CRYBG1: variants seen among roughly 807,000 people sequenced by gnomAD.
The protein encoded by CRYBG1 is crystallin beta-gamma domain containing 1.
Under a neutral mutation model 189.2 loss-of-function variants are expected in CRYBG1, and 139 were observed. The ratio of observed to expected loss-of-function variants is 0.73; its 90% CI spans 0.64 to 0.85. The LOEUF (loss-of-function observed/expected upper bound fraction) is 0.85. Ranked by LOEUF, CRYBG1 falls within the 40% of genes least tolerant of loss-of-function variation. The pLI is 0.00. For synonymous variants in CRYBG1, 1,023 were observed against 1,017.1 expected (o/e 1.01, Z -0.11); for missense variants, 2,611 against 2,675.8 (o/e 0.98, Z 0.53).
At chr6:106,545,010 C>G in intron 13 of CRYBG1, 77 bp downstream of exon 13, 2 of 1,189,240 alleles carry the variant, frequency 1.7e-6, no homozygotes, top group African/African-American at 3.0e-5. Context: ...GAGTCTATCA[C>G]AGAGTAGGCA....
intron 2 of CRYBG1, among the ~76,000 whole-genome samples, chr6:106,483,391 G>GTATATATATATATATATATAT (rs1772513172): frequency 9.9e-6 from 1 of 101,070 alleles, no homozygotes; most frequent in Non-Finnish European, 2.3e-5. Flanking sequence ...TATATATATA[G>GTATATATATATATATATATAT]ATATATATAT....
At chr6:106,426,348 A>G (rs1771225442) in intron 1 of CRYBG1, among the ~76,000 whole-genome samples, 2 of 152,148 alleles carry the variant, frequency 1.3e-5, no homozygotes, top group African/African-American at 4.8e-5. Flanking sequence ...AACATCATAT[A>G]TCTTAAACAC....
At chr6:106,516,076 C>T (rs1773412078) in intron 3 of CRYBG1, among the ~76,000 whole-genome samples, 1 of 151,906 alleles carries the variant, frequency 6.6e-6, no homozygotes, top group African/African-American at 2.4e-5. Context: ...CAGGCATCAG[C>T]CACTGATCCC....
chr6:106,499,648 C>T (rs1772957879), intron 2 of CRYBG1, among the ~76,000 whole-genome samples: 1 of 151,812 alleles, frequency 6.6e-6, no homozygotes, highest in Admixed American at 6.6e-5. Flanking sequence ...TTAACATATC[C>T]ATCACCTCAG....
chr6:106,543,212 C>G (rs1341354388), intron 10 of CRYBG1, among the ~76,000 whole-genome samples: 1 of 151,746 alleles, frequency 6.6e-6, no homozygotes, highest in Non-Finnish European at 1.5e-5. Flanking sequence ...GTATTTTTAG[C>G]AGAGACGGGG....
intron 16 of CRYBG1, 73 bp from the exon 17 acceptor site, chr6:106,555,695 A>G: frequency 6.5e-7 from 1 of 1,545,900 alleles, no homozygotes; most frequent in Non-Finnish European, 8.8e-7. Context: ...GGCCACCTCT[A>G]AAAATCAGAC....
intron 2 of CRYBG1, among the ~76,000 whole-genome samples, chr6:106,500,344 C>A (rs1052706857): frequency 1.9e-4 from 29 of 151,846 alleles, no homozygotes; most frequent in Non-Finnish European, 4.0e-4. Context: ...TTGATCACAG[C>A]CATTCTAACA....
At position 106,530,239 on chromosome 6, in the gene CRYBG1, T is replaced by C. The variant is rs748723390; in HGVS notation, c.4642T>C (p.Tyr1548His). Residue 1548 changes from tyrosine to histidine, a missense_variant, in exon 8 of 22, where the codon TAC becomes CAC. Coordinates refer to ENST00000633556, the MANE Select transcript of CRYBG1 (RefSeq NM_001371242.2). ...EPEGLGILSSYFDDTEEMQGF... is the reference protein window; with the variant it reads ...EPEGLGILSSHFDDTEEMQGF... ...AGAAGGGTTAGGAATCCTAAGTTCCTACTTTGATGATACTGAAGAAATGCA... is the reference window on the plus strand; with the variant it reads ...AGAAGGGTTAGGAATCCTAAGTTCCCACTTTGATGATACTGAAGAAATGCA... 1 of 1,613,894 alleles carries C rather than the reference T, an allele frequency of 6.2e-7. No individual in the cohort carries two copies. The highest frequency in any genetic ancestry group is 1.1e-5 in the South Asian group (1 of 91,074).
At chr6:106,488,899 A>G (rs1405548420) in intron 2 of CRYBG1, among the ~76,000 whole-genome samples, 2 of 152,206 alleles carry the variant, frequency 1.3e-5, no homozygotes, top group African/African-American at 4.8e-5. Context: ...ATATGGGTCC[A>G]GTTTCAAGAT....
Position 106,569,169 on chromosome 6 carries a change from A to G in CRYBG1, c.*603A>G, listed in dbSNP as rs947793441. On this transcript the variant is annotated 3_prime_UTR_variant, in exon 22 of 22. Transcript: ENST00000633556. The stretch of plus-strand genomic sequence containing the variant: ...ACAAAATACTATTTTCCTTTAGTTC[A>G]TATTAAAAATTAATACATTTTAAAA... 2.0e-5 allele frequency: 3 copies of G among 152,246 alleles called. No individual in the cohort carries two copies. The highest frequency in any genetic ancestry group is 7.2e-5 in the African/African-American group (3 of 41,462). 9.4% of individuals were successfully genotyped at this position (152,246 alleles called of 1,614,324 possible).
intron 1 of CRYBG1, among the ~76,000 whole-genome samples, chr6:106,372,595 A>T (rs1436375277): frequency 1.3e-5 from 2 of 152,180 alleles, no homozygotes; most frequent in Admixed American, 1.3e-4. Flanking sequence ...TTACTTTTGC[A>T]CCAACCTAAT....
At chr6:106,459,194 A>G (rs941142537) in intron 2 of CRYBG1, among the ~76,000 whole-genome samples, 1 of 152,168 alleles carries the variant, frequency 6.6e-6, no homozygotes, top group Non-Finnish European at 1.5e-5. Context: ...GCTTTCCACC[A>G]CAAGTAATGT....
chr6:106,395,637 G>A (rs761125268), intron 1 of CRYBG1, among the ~76,000 whole-genome samples: 11 of 152,042 alleles, frequency 7.2e-5, no homozygotes, highest in East Asian at 1.9e-4. Flanking sequence ...ATTTAAAAGT[G>A]AGATTATGGA....
chr6:106,513,209 G>T (rs757238590), intron 3 of CRYBG1, among the ~76,000 whole-genome samples, 170 bp downstream of exon 3: 1 of 152,194 alleles, frequency 6.6e-6, no homozygotes, highest in African/African-American at 2.4e-5. Context: ...CAAGATTTAA[G>T]ATGACACCTG....
At chr6:106,493,138 A>C (rs1016989352) in intron 2 of CRYBG1, among the ~76,000 whole-genome samples, 1 of 152,324 alleles carries the variant, frequency 6.6e-6, no homozygotes, top group Non-Finnish European at 1.5e-5. Context: ...AGATATCACT[A>C]TCTTTTTTGT....
chr6:106,407,613 CCA>C (rs1272007586), intron 1 of CRYBG1, among the ~76,000 whole-genome samples: 1 of 152,104 alleles, frequency 6.6e-6, no homozygotes, highest in Non-Finnish European at 1.5e-5. Flanking sequence ...CTAAAACTAA[CCA>C]CATAATTGGA....
At position 106,439,077 on chromosome 6, in the gene CRYBG1, T is replaced by C. The variant is rs115456240; in HGVS notation, c.174-12617T>C. ...AAAAAAAAAAAAAAAGAGAAAAATA[T>C]TTTGAGTGGTTCCCAAGTGAGGAAA... On this transcript the variant is annotated intron_variant, in intron 1 of 21. Coordinates refer to ENST00000633556, the MANE Select transcript of CRYBG1 (RefSeq NM_001371242.2). Among the ~76,000 whole-genome samples, 1,288 of 150,828 alleles carry C rather than the reference T, an allele frequency of 8.5e-3. 26 individuals carry two copies. The highest frequency in any genetic ancestry group is 0.03 in the African/African-American group (1,247 of 41,136).
intron 1 of CRYBG1, among the ~76,000 whole-genome samples, chr6:106,434,553 C>G (rs1199780540): frequency 1.3e-5 from 2 of 152,146 alleles, no homozygotes; most frequent in Non-Finnish European, 2.9e-5. Flanking sequence ...AGAAACTGTG[C>G]CAAGCAAGCC....
At chr6:106,496,751 C>G (rs1309885042) in intron 2 of CRYBG1, among the ~76,000 whole-genome samples, 1 of 152,170 alleles carries the variant, frequency 6.6e-6, no homozygotes, top group Non-Finnish European at 1.5e-5. Context: ...GGTTGTTTGT[C>G]TCTTGAGTTT....
Sources: gnomAD v4.1 joint callset for allele counts (sites outside exome capture counted in the v4.1 genomes callset) on GRCh38, gnomAD v4.1.1 for gene constraint, MANE v1.5 for transcripts, NCBI Gene and HGNC (gene_info 2026-07-23, HGNC 2026-07-21) for gene names.